PDZD2: variants seen among roughly 807,000 people sequenced by gnomAD.
The protein encoded by PDZD2 is PDZ domain containing 2, also known as PDZ domain-containing protein 2.
A neutral mutation model predicts 220.7 loss-of-function variants in PDZD2; 90 were observed. That is an observed-to-expected ratio of 0.41 (90% CI 0.34 to 0.49). The LOEUF (loss-of-function observed/expected upper bound fraction) is 0.49. PDZD2 is among the 20% of genes least tolerant of loss of function. The pLI, the probability that PDZD2 is intolerant of heterozygous loss-of-function variation, is 0.28. For missense variants in PDZD2, 3,174 were observed against 3,608.5 expected (o/e 0.88, Z 3.08); for synonymous variants, 1,375 against 1,450.5 (o/e 0.95, Z 1.18).
chr5:31,983,219 C>T lies in PDZD2; in HGVS notation c.541C>T (p.His181Tyr), dbSNP rs567598300. 1.2e-6 allele frequency: 2 copies of T among 1,614,118 alleles called. No individual in the cohort carries two copies. Among genetic ancestry groups the T allele is most frequent in the Admixed American group, 3.3e-5 (2 of 60,020 alleles). ...IYLIMLRRFK[H>Y]KAHSTYNGNS... ...CCTGATCATGCTGCGTCGCTTTAAG[C>T]ACAAAGCCCACTCCACTTATAATGG... is the stretch of plus-strand genomic sequence containing the variant. Residue 181 changes from histidine (H) to tyrosine (Y), a missense_variant, in exon 3 of 25, where the codon CAC (histidine) becomes TAC (tyrosine). Physicochemically the swap from His to Tyr is moderately conservative, Grantham distance 83. Transcript: ENST00000438447.
At chr5:31,751,381 T>C (rs1165439829) in intron 1 of PDZD2, among the ~76,000 whole-genome samples, 1 of 151,598 alleles carries the variant, frequency 6.6e-6, no homozygotes, top group East Asian at 1.9e-4. Context: ...GAGGTCTAGG[T>C]GGGAAATGAT....
intron 2 of PDZD2, among the ~76,000 whole-genome samples, chr5:31,929,621 G>A (rs1049132404): frequency 5.9e-5 from 9 of 152,248 alleles, no homozygotes; most frequent in South Asian, 2.1e-4. Context: ...AGGCTGAGGC[G>A]GGTGGATCAC....
At chr5:32,066,928 A>T (rs1740264712) in intron 14 of PDZD2, among the ~76,000 whole-genome samples, 1 of 152,226 alleles carries the variant, frequency 6.6e-6, no homozygotes, top group South Asian at 2.1e-4. Flanking sequence ...TATGTCCGGC[A>T]TTTGGTTAAA....
intron 1 of PDZD2, among the ~76,000 whole-genome samples, chr5:31,772,644 G>A (rs1752402787): frequency 6.6e-6 from 1 of 152,116 alleles, no homozygotes; most frequent in Non-Finnish European, 1.5e-5. Flanking sequence ...TGACCTTCCA[G>A]ACGCAACATT....
At chr5:31,871,749 C>T (rs891963561) in intron 2 of PDZD2, among the ~76,000 whole-genome samples, 2 of 151,982 alleles carry the variant, frequency 1.3e-5, no homozygotes, top group Non-Finnish European at 2.9e-5. Context: ...GTGCCTGGCC[C>T]GTACTTGAGC....
chr5:31,769,620 T>C (rs538953928), intron 1 of PDZD2, among the ~76,000 whole-genome samples: 16 of 152,360 alleles, frequency 1.1e-4, no homozygotes, highest in African/African-American at 3.8e-4. Flanking sequence ...TCCTGATACT[T>C]TGAAACGCTG....
intron 2 of PDZD2, among the ~76,000 whole-genome samples, chr5:31,808,748 G>A (rs374062780): frequency 4.3e-4 from 66 of 152,200 alleles, no homozygotes; most frequent in Middle Eastern, 3.4e-3. Flanking sequence ...AGGCTGAGGC[G>A]GGTGGATCAC....
intron 2 of PDZD2, among the ~76,000 whole-genome samples, chr5:31,969,507 TC>T (rs1309959283): frequency 4.6e-4 from 3 of 6,546 alleles, no homozygotes; most frequent in East Asian, 9.2e-3. Context: ...AGGCCCCCTC[TC>T]CAAAAAAAAA....
intron 1 of PDZD2, among the ~76,000 whole-genome samples, chr5:31,782,578 T>G (rs990081770): frequency 1.3e-5 from 2 of 152,026 alleles, no homozygotes; most frequent in African/African-American, 2.4e-5. Context: ...CAAGTACAGG[T>G]ATCTGCTCGC....
At position 32,009,557 on chromosome 5, in the gene PDZD2, GT is replaced by G. The variant is rs1156353526; in HGVS notation, c.1255-772del. On this transcript the variant is annotated intron_variant, in intron 5 of 24. Coordinates refer to ENST00000438447, the MANE Select transcript of PDZD2 (RefSeq NM_178140.4). Reference sequence around the variant, plus strand: ...AGCCTGGGCAACATAGTGAGACCTTGTGTCTACAAAATAAAAAATTTTAATT... The same window carrying G: ...AGCCTGGGCAACATAGTGAGACCTTGGTCTACAAAATAAAAAATTTTAATT... 2.0e-5 allele frequency among the ~76,000 whole-genome samples: 3 copies of G among 149,756 alleles called. No homozygotes were observed. The East Asian group carries it at 6.1e-4, about 30-fold the overall frequency.
chr5:32,071,526 C>A (rs1740740548), intron 16 of PDZD2, 108 bp downstream of exon 16: 1 of 821,116 alleles, frequency 1.2e-6, no homozygotes, highest in Admixed American at 2.0e-5. Flanking sequence ...GCCCATGAGT[C>A]ATTTTTGCCA....
chr5:32,072,507 G>T (rs1332219330), intron 17 of PDZD2, among the ~76,000 whole-genome samples, 190 bp downstream of exon 17: 3 of 152,328 alleles, frequency 2.0e-5, no homozygotes, highest in East Asian at 1.9e-4. Context: ...GAGGCGGGGG[G>T]ATCACTTGAG....
intron 5 of PDZD2, among the ~76,000 whole-genome samples, chr5:32,001,453 C>A (rs1752095149): frequency 6.9e-6 from 1 of 144,150 alleles, no homozygotes; most frequent in Admixed American, 7.2e-5. Context: ...TGAGGCAGAG[C>A]TTCCGTGGCC....
At chr5:31,657,531 A>C (rs1745598031) in intron 1 of PDZD2, among the ~76,000 whole-genome samples, 1 of 152,192 alleles carries the variant, frequency 6.6e-6, no homozygotes, top group African/African-American at 2.4e-5. Context: ...CCAGAATCAG[A>C]ATCTAAATAG....
At chr5:31,981,075 C>A (rs539191076) in intron 2 of PDZD2, among the ~76,000 whole-genome samples, 1 of 152,124 alleles carries the variant, frequency 6.6e-6, no homozygotes, top group Non-Finnish European at 1.5e-5. Flanking sequence ...CATGAGCCAC[C>A]GCACCTGGCC....
At chr5:31,737,265 C>T (rs1294410475) in intron 1 of PDZD2, among the ~76,000 whole-genome samples, 2 of 146,614 alleles carry the variant, frequency 1.4e-5, no homozygotes, top group Non-Finnish European at 3.0e-5. Context: ...CTCCGCCTCT[C>T]AGGTTCACGC....
At chr5:32,010,080 G>T (rs1753164108) in intron 5 of PDZD2, among the ~76,000 whole-genome samples, 1 of 59,106 alleles carries the variant, frequency 1.7e-5, no homozygotes, top group African/African-American at 1.3e-4. Flanking sequence ...GAGCAAGACT[G>T]TCTCAAAAAA....
chr5:31,978,714 C>CA (rs10632600), intron 2 of PDZD2, among the ~76,000 whole-genome samples: 5 of 128,026 alleles, frequency 3.9e-5, no homozygotes, highest in Admixed American at 2.3e-4. Context: ...GACTCCATCT[C>CA]AAAAAAAAAA....
intron 5 of PDZD2, among the ~76,000 whole-genome samples, chr5:32,005,426 C>T (rs535378711): frequency 7.8e-4 from 118 of 151,386 alleles, no homozygotes; most frequent in South Asian, 4.0e-3. Flanking sequence ...CTGGAAGCAA[C>T]ATATATCAGT....
Sources: allele counts gnomAD v4.1 joint callset (sites outside exome capture counted in the v4.1 genomes callset), GRCh38; gene constraint gnomAD v4.1.1; transcripts MANE v1.5; gene names NCBI Gene and HGNC (gene_info 2026-07-23, HGNC 2026-07-21).